The following KLF12 variants were observed in gnomAD, a reference collection of about 807,000 sequenced individuals.
KLF12 encodes the protein KLF transcription factor 12, also known as Krueppel-like factor 12.
A neutral mutation model predicts 37.8 loss-of-function variants in KLF12; 9 were observed. That is an observed-to-expected ratio of 0.24 (90% confidence interval 0.14 to 0.42). KLF12 has a LOEUF of 0.42. Ranked by LOEUF, KLF12 falls within the 10% of genes least tolerant of loss-of-function variation. The probability of loss-of-function intolerance (pLI) is 1.00; values close to 1 mark genes in which losing one functional copy is unlikely to be tolerated. For synonymous variants in KLF12, 208 were observed against 202.1 expected (o/e 1.03, Z -0.25); for missense variants, 411 against 516.0 (o/e 0.80, Z 1.97).
chr13:73,737,244 C>A lies in KLF12; in HGVS notation c.870-21719G>T, dbSNP rs539273380. Reference sequence around the variant, plus strand: ...TTAATTTTATATTTTATATCCTGCCCTTTCTTCAGCTACAACTGTAGCCTT... The same window carrying A: ...TTAATTTTATATTTTATATCCTGCCATTTCTTCAGCTACAACTGTAGCCTT... On this transcript the variant is annotated intron_variant, in intron 6 of 7. Coordinates refer to ENST00000377669, the MANE Select transcript of KLF12 (RefSeq NM_007249.5). Among the ~76,000 whole-genome samples, 4 of 152,252 alleles carry A rather than the reference C, an allele frequency of 2.6e-5. No homozygotes were observed. The East Asian group carries it at 7.7e-4, about 29-fold the overall frequency.
intron 3 of KLF12, among the ~76,000 whole-genome samples, chr13:73,897,338 A>T (rs1474226180): frequency 6.6e-6 from 1 of 152,284 alleles, no homozygotes; most frequent in South Asian, 2.1e-4. Flanking sequence ...CCCAAGCGCA[A>T]CATGCATCTA....
intron 2 of KLF12, among the ~76,000 whole-genome samples, chr13:73,994,758 T>C (rs900119372): frequency 2.0e-5 from 3 of 152,192 alleles, no homozygotes; most frequent in Non-Finnish European, 2.9e-5. Flanking sequence ...CAGCTTAAGT[T>C]CTGGAAAAGA....
In KLF12 at chr13:74,032,592, A is replaced by G. The variant is rs369003231; in HGVS notation, c.-31-37539T>C. On this transcript the variant is annotated intron_variant, in intron 1 of 7. Coordinates refer to ENST00000377669, the MANE Select transcript of KLF12 (RefSeq NM_007249.5). ...CTTGCTTTCTCCATGTATCTTCTCT[A>G]TGACACATGAGTATTATTCAACCTT... 2.0e-5 allele frequency among the ~76,000 whole-genome samples: 3 copies of G among 152,126 alleles called. No individual in the cohort carries two copies. The East Asian group carries it at 5.8e-4, about 29-fold the overall frequency.
intron 4 of KLF12, among the ~76,000 whole-genome samples, chr13:73,831,052 A>G (rs1049712411): frequency 2.0e-5 from 3 of 151,824 alleles, no homozygotes; most frequent in Admixed American, 6.6e-5. Context: ...TACAGAATAG[A>G]TTTCATATAT....
chr13:73,771,424 C>T (rs185579823), intron 5 of KLF12, among the ~76,000 whole-genome samples: 4 of 152,262 alleles, frequency 2.6e-5, no homozygotes, highest in African/African-American at 9.6e-5. Context: ...CTATTGCATC[C>T]TCAGAGCTTA....
the KLF12 span, among the ~76,000 whole-genome samples, chr13:74,170,827 C>T: frequency 0.18 from 26,810 of 152,130 alleles, 3,525 homozygotes; most frequent in African/African-American, 0.37. Flanking sequence ...TGCAGTGGGG[C>T]AATCTCGGCT....
intron 4 of KLF12, among the ~76,000 whole-genome samples, chr13:73,833,384 T>G (rs936993744): frequency 3.4e-4 from 51 of 152,140 alleles, no homozygotes; most frequent in African/African-American, 1.2e-3. Flanking sequence ...CAAACATTAT[T>G]CTCTAATATT....
intron 5 of KLF12, among the ~76,000 whole-genome samples, chr13:73,772,452 G>C (rs996936121): frequency 6.6e-6 from 1 of 152,248 alleles, no homozygotes; most frequent in African/African-American, 2.4e-5. Context: ...AAGCTTTGGA[G>C]TGAACCTGGG....
At chr13:73,732,884 T>C (rs1291448868) in intron 6 of KLF12, among the ~76,000 whole-genome samples, 1 of 152,104 alleles carries the variant, frequency 6.6e-6, no homozygotes, top group East Asian at 1.9e-4. Flanking sequence ...CCCACTCCTT[T>C]CCCAGTTTTC....
chr13:74,146,684 A>G, the KLF12 span, among the ~76,000 whole-genome samples: 2 of 152,202 alleles, frequency 1.3e-5, no homozygotes, highest in Non-Finnish European at 2.9e-5. Context: ...ATTTTCTATC[A>G]GTTGTTGCAT....
At chr13:73,999,437 A>C (rs1892209935) in intron 1 of KLF12, among the ~76,000 whole-genome samples, 1 of 152,210 alleles carries the variant, frequency 6.6e-6, no homozygotes, top group South Asian at 2.1e-4. Context: ...TCCTTCAGAC[A>C]AAAACCCAGG....
chr13:74,181,602 G>A, the KLF12 span, among the ~76,000 whole-genome samples: 1 of 151,556 alleles, frequency 6.6e-6, no homozygotes, highest in Non-Finnish European at 1.5e-5. Context: ...GGGAGGCTGA[G>A]GCAGGAAAAT....
At chr13:73,772,430 T>G (rs4053531) in intron 5 of KLF12, among the ~76,000 whole-genome samples, 138,472 of 152,256 alleles carry the variant, frequency 0.91, 64,376 homozygotes, top group East Asian at 1. Context: ...ACGGCCATGG[T>G]GCATCTGAAT....
At chr13:73,696,048 A>C (rs550215553) in intron 7 of KLF12, among the ~76,000 whole-genome samples, 3 of 152,282 alleles carry the variant, frequency 2.0e-5, no homozygotes, top group Admixed American at 6.5e-5. Flanking sequence ...ACGGTCAAGC[A>C]GTTATGCCTT....
At chr13:73,709,289 C>A (rs1875184522) in intron 7 of KLF12, among the ~76,000 whole-genome samples, 1 of 152,100 alleles carries the variant, frequency 6.6e-6, no homozygotes, top group African/African-American at 2.4e-5. Flanking sequence ...GCATTAAAGG[C>A]AAAATTAACT....
At chr13:74,179,682 A>G in the KLF12 span, among the ~76,000 whole-genome samples, 6 of 152,196 alleles carry the variant, frequency 3.9e-5, no homozygotes, top group Admixed American at 1.3e-4. Context: ...TATGAAACTA[A>G]GGTTGCTTTA....
the KLF12 span, among the ~76,000 whole-genome samples, chr13:74,292,213 C>A: frequency 1.9e-3 from 296 of 152,272 alleles, no homozygotes; most frequent in African/African-American, 6.6e-3. Flanking sequence ...CTAGTAACAG[C>A]ATGGTGTTGA....
At chr13:73,958,318 A>G (rs1890910725) in intron 2 of KLF12, among the ~76,000 whole-genome samples, 1 of 151,544 alleles carries the variant, frequency 6.6e-6, no homozygotes, top group Non-Finnish European at 1.5e-5. Flanking sequence ...ATCTCGGCTC[A>G]CTGCAGCCTC....
At chr13:74,252,195 C>T in the KLF12 span, among the ~76,000 whole-genome samples, 84 of 152,166 alleles carry the variant, frequency 5.5e-4, no homozygotes, top group Non-Finnish European at 9.7e-4. Context: ...ATTGACCTAA[C>T]GCTTGTTTAC....
Sources: gnomAD v4.1 joint callset for allele counts (sites outside exome capture counted in the v4.1 genomes callset) on GRCh38, gnomAD v4.1.1 for gene constraint, MANE v1.5 for transcripts, NCBI Gene and HGNC (gene_info 2026-07-23, HGNC 2026-07-21) for gene names.